Variants in BANK1 observed in about 807,000 individuals in gnomAD.
The protein encoded by BANK1 is B-cell scaffold protein with ankyrin repeats.
BANK1 carries 95 observed loss-of-function variants against 94.5 expected under a neutral mutation model. The ratio of observed to expected loss-of-function variants is 1.00; its 90% CI spans 0.85 to 1.19. The LOEUF (loss-of-function observed/expected upper bound fraction) is 1.19, where lower values mean the gene tolerates loss of function less well. Ranked by LOEUF, BANK1 falls within the 50% of genes most tolerant of loss-of-function variation. BANK1 has a pLI of 0.00. For synonymous variants in BANK1, 334 were observed against 308.4 expected, an observed-to-expected ratio of 1.08 and a Z score of -0.87; for missense variants, 987 against 932.2, an observed-to-expected ratio of 1.06 and a Z score of -0.77.
chr4:102,006,335 G>GC (rs2148938939), intron 7 of BANK1, among the ~76,000 whole-genome samples: 2 of 152,094 alleles, frequency 1.3e-5, no homozygotes, highest in East Asian at 3.9e-4. Context: ...ATTAATAAAT[G>GC]CCAGTGACTG....
rs189328470 is a variant in BANK1 at position 101,918,510 on chromosome 4, T to C, written c.1206+321T>C. Among the ~76,000 whole-genome samples the C allele has an allele frequency of 1.2e-3, 187 of 152,082 alleles. 1 individual carries two copies. The highest frequency in any genetic ancestry group is 1.9e-4 in the Non-Finnish European group (13 of 67,914). On this transcript the variant is annotated intron_variant, in intron 7 of 16. Coordinates refer to ENST00000322953, the MANE Select transcript of BANK1 (RefSeq NM_017935.5). ...AAATTTCAGAACACTTTTTGAAGAA[T>C]GTTAGTTTTGTAAGAATGTAACCAA...
intron 2 of BANK1, among the ~76,000 whole-genome samples, chr4:101,847,620 ATG>A (rs1282579088): frequency 2.0e-5 from 3 of 151,918 alleles, no homozygotes; most frequent in Non-Finnish European, 4.4e-5. Context: ...AGAACATACG[ATG>A]TTTGGTTTTC....
chr4:101,941,968 G>T (rs1445355665), intron 7 of BANK1, among the ~76,000 whole-genome samples: 1 of 151,796 alleles, frequency 6.6e-6, no homozygotes, highest in Non-Finnish European at 1.5e-5. Context: ...GAACAGTAGA[G>T]CACATTTTCT....
chr4:101,887,347 A>T (rs1253628328), intron 5 of BANK1, among the ~76,000 whole-genome samples: 1 of 152,238 alleles, frequency 6.6e-6, no homozygotes, highest in African/African-American at 2.4e-5. Context: ...TAAAAATAAT[A>T]AACAGACTAT....
chr4:101,839,617 G>C (rs1726955588), intron 2 of BANK1, among the ~76,000 whole-genome samples: 1 of 152,008 alleles, frequency 6.6e-6, no homozygotes. Flanking sequence ...ATATTTTTCA[G>C]CCCCGTTATT....
chr4:101,831,947 A>C (rs1423496189), intron 2 of BANK1, among the ~76,000 whole-genome samples: 2 of 152,226 alleles, frequency 1.3e-5, no homozygotes, highest in Non-Finnish European at 2.9e-5. Flanking sequence ...TGAAGCCTCC[A>C]CTAAGTGAAG....
At chr4:101,826,953 T>C (rs1399127709) in intron 1 of BANK1, among the ~76,000 whole-genome samples, 1 of 151,936 alleles carries the variant, frequency 6.6e-6, no homozygotes, top group Non-Finnish European at 1.5e-5. Flanking sequence ...TCAGAATCAT[T>C]ATGGTTTTCT....
rs553206555 is a variant in BANK1, at chr4:101,981,979, G to T, written c.1207-39535G>T. The stretch of plus-strand genomic sequence containing the variant: ...AGGGTGTGTGTGGGTAGGGATTGTG[G>T]TTCTGCTCCCACTCAGTTCCCCCAT... On this transcript the variant is annotated intron_variant, in intron 7 of 16. Transcript: ENST00000322953. 3.9e-5 allele frequency: 6 copies of T among 152,268 alleles called. No homozygotes were observed. In the East Asian group the frequency reaches 1.2e-3, roughly 29 times the overall value. 9.4% of individuals were successfully genotyped at this position (152,268 alleles called of 1,614,324 possible).
chr4:102,010,147 C>G (rs1726446336), intron 7 of BANK1, among the ~76,000 whole-genome samples: 2 of 151,648 alleles, frequency 1.3e-5, no homozygotes, highest in Admixed American at 1.3e-4. Flanking sequence ...CGCCTGTAGT[C>G]CCAGCTACTC....
At chr4:101,918,235 T>C (rs771854290) in intron 7 of BANK1, 46 bp downstream of exon 7, 1 of 1,330,150 alleles carries the variant, frequency 7.5e-7, no homozygotes, top group Non-Finnish European at 1.0e-6. Context: ...CTGTTTGATA[T>C]TGTAGAAGAG....
intron 5 of BANK1, among the ~76,000 whole-genome samples, chr4:101,881,183 G>T (rs964582506): frequency 1.3e-5 from 2 of 151,920 alleles, no homozygotes; most frequent in Non-Finnish European, 1.5e-5. Flanking sequence ...TCTAACAAGG[G>T]ATTAATAACC....
chr4:101,947,309 A>ATATATATATATATGTATG (rs1176507515), intron 7 of BANK1, among the ~76,000 whole-genome samples: 23 of 67,860 alleles, frequency 3.4e-4, no homozygotes, highest in African/African-American at 7.2e-4. Flanking sequence ...ATATATATAT[A>ATATATATATATATGTATG]TATGTATATG....
chr4:101,909,004 C>T (rs1178553574), intron 6 of BANK1, among the ~76,000 whole-genome samples: 1 of 152,144 alleles, frequency 6.6e-6, no homozygotes, highest in Non-Finnish European at 1.5e-5. Flanking sequence ...TGTGGTGATT[C>T]CTCAAGGATC....
chr4:102,016,155 T>C (rs1274565863), intron 7 of BANK1, among the ~76,000 whole-genome samples: 2 of 152,240 alleles, frequency 1.3e-5, no homozygotes, highest in Non-Finnish European at 2.9e-5. Flanking sequence ...TCTTTGAAAT[T>C]GTCTATCCCA....
intron 12 of BANK1, chr4:102,061,757 T>A (rs1484184542): frequency 3.9e-5 from 1 of 25,420 alleles, no homozygotes; most frequent in Non-Finnish European, 8.1e-5. Flanking sequence ...TTTAATCTTG[T>A]TTTTAGGAAG....
rs926535896 is a variant in BANK1, at chr4:101,994,755, G to T, written c.1207-26759G>T. 2.0e-5 allele frequency among the ~76,000 whole-genome samples: 3 copies of T among 152,134 alleles called. No individual in the cohort carries two copies. In the East Asian group the frequency reaches 5.8e-4, roughly 29 times the overall value. Reference sequence around the variant, plus strand: ...TCTCATTCATGGTAGTACATTTCTTGTGATATTTAAAATTCTTCAATTTCA... The same window carrying T: ...TCTCATTCATGGTAGTACATTTCTTTTGATATTTAAAATTCTTCAATTTCA... On this transcript the variant is annotated intron_variant, in intron 7 of 16. Coordinates refer to ENST00000322953, the MANE Select transcript of BANK1 (RefSeq NM_017935.5).
At chr4:102,020,381 A>G (rs1385830029) in intron 7 of BANK1, among the ~76,000 whole-genome samples, 3 of 152,134 alleles carry the variant, frequency 2.0e-5, no homozygotes, top group Non-Finnish European at 4.4e-5. Flanking sequence ...ATTAGAATTT[A>G]GTGGAGTCCA....
chr4:102,037,192 AAG>A (rs979765749), intron 10 of BANK1, among the ~76,000 whole-genome samples: 4 of 152,222 alleles, frequency 2.6e-5, no homozygotes, highest in African/African-American at 9.6e-5. Context: ...TGTCAAGACT[AAG>A]AACAGTACTA....
chr4:101,962,086 A>G (rs1172265483), intron 7 of BANK1, among the ~76,000 whole-genome samples: 2 of 152,192 alleles, frequency 1.3e-5, no homozygotes, highest in African/African-American at 4.8e-5. Context: ...GTGGGGTGCT[A>G]TCACCCACTC....
Sources: allele counts gnomAD v4.1 joint callset (sites outside exome capture counted in the v4.1 genomes callset), GRCh38; gene constraint gnomAD v4.1.1; transcripts MANE v1.5; gene names NCBI Gene and HGNC (gene_info 2026-07-23, HGNC 2026-07-21).